IL7: variants seen among roughly 807,000 people sequenced by gnomAD.
IL7 encodes interleukin 7, also known as interleukin-7.
Under a neutral mutation model 21.6 loss-of-function variants are expected in IL7, and 3 were observed. The observed-to-expected ratio is 0.14, with a 90% confidence interval of 0.06 to 0.36. The LOEUF is 0.36. Ranked by LOEUF, IL7 falls within the 10% of genes least tolerant of loss-of-function variation. IL7 has a pLI of 1.00. For synonymous variants in IL7, 62 were observed against 68.1 expected (o/e 0.91, Z 0.44); for missense variants, 175 against 200.2 (o/e 0.87, Z 0.76).
At chr8:78,715,948 G>C (rs533325053), downstream of IL7, among the ~76,000 whole-genome samples, 3 of 149,820 alleles carry the variant, frequency 2.0e-5, no homozygotes, top group African/African-American at 7.3e-5. Flanking sequence ...GCCGAGGCAG[G>C]AGAATTGCTT....
chr8:78,717,352 C>T (rs1413530586), downstream of IL7: 21 of 1,609,750 alleles, frequency 1.3e-5, no homozygotes, highest in African/African-American at 2.7e-5. Context: ...GTGCATCTTC[C>T]CTTAATGGTG....
intron 4 of IL7, among the ~76,000 whole-genome samples, chr8:78,683,549 G>C (rs777236109): frequency 2.0e-5 from 3 of 152,128 alleles, no homozygotes; most frequent in Non-Finnish European, 2.9e-5. Flanking sequence ...CACACAGTAG[G>C]GGGGCCCTGG....
At chr8:78,736,222 G>T (rs1194275573) in intron 5 of IL7, among the ~76,000 whole-genome samples, 1 of 129,478 alleles carries the variant, frequency 7.7e-6, no homozygotes, top group South Asian at 2.3e-4. Context: ...TTTTAATGCT[G>T]CTTCTTCTAA....
chr8:78,759,158 A>T (rs1812457356), intron 2 of IL7, among the ~76,000 whole-genome samples: 1 of 141,116 alleles, frequency 7.1e-6, no homozygotes, highest in African/African-American at 2.7e-5. Context: ...TCTTGATTGT[A>T]TATATATATT....
chr8:78,706,307 T>C (rs1284994899), intron 3 of IL7, among the ~76,000 whole-genome samples: 1 of 152,180 alleles, frequency 6.6e-6, no homozygotes, highest in Non-Finnish European at 1.5e-5. Context: ...CCTAAGGGTA[T>C]GTACGGGGGT....
chr8:78,784,801 T>G (rs547788052), intron 2 of IL7, among the ~76,000 whole-genome samples: 1 of 152,152 alleles, frequency 6.6e-6, no homozygotes, highest in Non-Finnish European at 1.5e-5. Context: ...GTGCTATCAA[T>G]TGACCTTTTA....
chr8:78,758,544 T>C (rs1586076181), intron 2 of IL7, among the ~76,000 whole-genome samples: 1 of 152,096 alleles, frequency 6.6e-6, no homozygotes, highest in East Asian at 1.9e-4. Flanking sequence ...GATCTAGTAG[T>C]GATGAATTTC....
At chr8:78,769,844 C>T (rs1402316755) in intron 2 of IL7, among the ~76,000 whole-genome samples, 6 of 152,032 alleles carry the variant, frequency 3.9e-5, no homozygotes, top group Non-Finnish European at 7.4e-5. Context: ...GAGATATAGA[C>T]CAATGGAACA....
downstream of IL7, among the ~76,000 whole-genome samples, chr8:78,713,113 A>G (rs1048162879): frequency 9.9e-5 from 15 of 152,172 alleles, no homozygotes; most frequent in Non-Finnish European, 5.9e-5. Flanking sequence ...ATTAAGTACA[A>G]TTCCAAAATT....
At chr8:78,730,913 T>C (rs1433131828), downstream of IL7, among the ~76,000 whole-genome samples, 7 of 151,938 alleles carry the variant, frequency 4.6e-5, no homozygotes, top group African/African-American at 7.2e-5. Flanking sequence ...ATGGAAGTCA[T>C]AGCAATTGAG....
intron 3 of IL7, chr8:78,689,232 A>G (rs756139685): frequency 1.9e-6 from 3 of 1,567,558 alleles, no homozygotes; most frequent in African/African-American, 1.4e-5. Flanking sequence ...ATTATATTCA[A>G]TGTCCATATT....
intron 4 of IL7, among the ~76,000 whole-genome samples, chr8:78,681,901 C>CTT (rs56181953): frequency 2.4e-5 from 3 of 126,470 alleles, no homozygotes; most frequent in Admixed American, 8.1e-5. Context: ...CTTTTTCTTT[C>CTT]TTTTTTTTTT....
intron 2 of IL7, among the ~76,000 whole-genome samples, chr8:78,750,486 A>G (rs1251280473): frequency 6.6e-6 from 1 of 152,110 alleles, no homozygotes; most frequent in Non-Finnish European, 1.5e-5. Context: ...AGACTTACCT[A>G]TGGCCATGAG....
intron 4 of IL7, among the ~76,000 whole-genome samples, chr8:78,678,205 C>T (rs1294684556): frequency 2.0e-5 from 3 of 152,028 alleles, no homozygotes; most frequent in Non-Finnish European, 2.9e-5. Flanking sequence ...GAATGCAGTC[C>T]AGTAGGTTTC....
chr8:78,699,277 T>C (rs1042369383), intron 3 of IL7, among the ~76,000 whole-genome samples: 5 of 152,144 alleles, frequency 3.3e-5, no homozygotes, highest in African/African-American at 4.8e-5. Flanking sequence ...TCAATAGTTA[T>C]GGGAAAAATT....
At chr8:78,690,441 T>A (rs905416049) in intron 3 of IL7, among the ~76,000 whole-genome samples, 18 of 151,932 alleles carry the variant, frequency 1.2e-4, no homozygotes, top group African/African-American at 3.9e-4. Context: ...GCGCCTGTAG[T>A]CCCAGCTACT....
chr8:78,804,667 A>G (rs1381847800), intron 1 of IL7, among the ~76,000 whole-genome samples: 2 of 152,188 alleles, frequency 1.3e-5, no homozygotes, highest in Admixed American at 1.3e-4. Context: ...GACAGAAAGC[A>G]GGCGTTGGGG....
At chr8:78,717,176 C>A, downstream of IL7, 1 of 643,324 alleles carries the variant, frequency 1.6e-6, no homozygotes, top group South Asian at 3.2e-5. Context: ...TTAGTATTTA[C>A]TAACAAGGAT....
chr8:78,783,029 CT>C (rs1813391976), intron 2 of IL7, among the ~76,000 whole-genome samples: 1 of 144,408 alleles, frequency 6.9e-6, no homozygotes, highest in Non-Finnish European at 1.5e-5. Context: ...CCCAATATCT[CT>C]GGCACCAGCA....
Sources: allele counts gnomAD v4.1 joint callset (sites outside exome capture counted in the v4.1 genomes callset), GRCh38; gene constraint gnomAD v4.1.1; transcripts MANE v1.5; gene names NCBI Gene and HGNC (gene_info 2026-07-23, HGNC 2026-07-21).